Variants in RAB27B observed in about 807,000 individuals in gnomAD.
The protein encoded by RAB27B is ras-related protein Rab-27B.
RAB27B carries 15 observed loss-of-function variants against 24.6 expected under a neutral mutation model. The observed-to-expected ratio is 0.61, with a 90% CI of 0.41 to 0.94. The LOEUF (loss-of-function observed/expected upper bound fraction) is 0.94, where lower values mean the gene tolerates loss of function less well. RAB27B is among the 40% of genes least tolerant of loss of function. The pLI, the probability that RAB27B is intolerant of heterozygous loss-of-function variation, is 0.00. For synonymous variants in RAB27B, 105 were observed against 92.5 expected (o/e 1.14, Z -0.78); for missense variants, 261 against 266.8 (o/e 0.98, Z 0.15).
intron 2 of RAB27B, among the ~76,000 whole-genome samples, chr18:54,770,351 T>C (rs1245393636): frequency 6.6e-6 from 1 of 152,118 alleles, no homozygotes; most frequent in Non-Finnish European, 1.5e-5. Flanking sequence ...GCAGCGGCAT[T>C]AGATTCTCAT....
At chr18:54,788,291 T>G (rs1346507733) in intron 2 of RAB27B, among the ~76,000 whole-genome samples, 1 of 152,102 alleles carries the variant, frequency 6.6e-6, no homozygotes, top group East Asian at 1.9e-4. Context: ...ATTTGTGTTT[T>G]TTGTTGTTGT....
intron 2 of RAB27B, among the ~76,000 whole-genome samples, chr18:54,820,244 A>G (rs1410207355): frequency 6.6e-6 from 1 of 152,156 alleles, no homozygotes; most frequent in Non-Finnish European, 1.5e-5. Flanking sequence ...CAACAGTGTA[A>G]AAGTGTTCCT....
chr18:54,723,558 CT>C (rs1355750904), intron 2 of RAB27B, among the ~76,000 whole-genome samples: 5 of 151,970 alleles, frequency 3.3e-5, no homozygotes, highest in Admixed American at 1.3e-4. Flanking sequence ...GTAATATTGA[CT>C]GTAAATAATA....
At chr18:54,837,705 A>G (rs1910950749) in intron 1 of RAB27B, among the ~76,000 whole-genome samples, 1 of 151,896 alleles carries the variant, frequency 6.6e-6, no homozygotes, top group Non-Finnish European at 1.5e-5. Flanking sequence ...TGCAAGCACT[A>G]CTCTGCTTTG....
At position 54,895,293 on chromosome 18, in the gene RAB27B, A is replaced by C. The variant is rs1033828491; in HGVS notation, c.*5880A>C. ...TTGTCTAGTGCTATGAATGTAACTT[A>C]AAACTATAAACTTGAAGTTTTTATT... On this transcript the variant is annotated 3_prime_UTR_variant, in exon 6 of 6. Transcript: ENST00000262094. The C allele has an allele frequency of 3.3e-5, 5 of 152,052 alleles. No homozygotes were observed. Among genetic ancestry groups the C allele is most frequent in the Non-Finnish European group, 7.4e-5 (5 of 67,982 alleles). 9.4% of individuals were successfully genotyped at this position (152,052 alleles called of 1,614,324 possible).
intron 1 of RAB27B, among the ~76,000 whole-genome samples, chr18:54,835,784 C>G (rs1451084127): frequency 6.6e-6 from 1 of 152,028 alleles, no homozygotes; most frequent in Non-Finnish European, 1.5e-5. Flanking sequence ...TGTAAAGTCA[C>G]TAGGCCATCA....
chr18:54,874,562 T>TA (rs11331217), intron 1 of RAB27B, among the ~76,000 whole-genome samples: 7,259 of 143,230 alleles, frequency 0.051, 600 homozygotes, highest in African/African-American at 0.17. Flanking sequence ...ACACATTTGC[T>TA]AAAAAAAAAA....
At chr18:54,889,184 T>A (rs770471358) in intron 5 of RAB27B, 40 bp from the exon 6 acceptor site, 1 of 1,562,242 alleles carries the variant, frequency 6.4e-7, no homozygotes, top group South Asian at 1.2e-5. Context: ...CTGTTCTGAT[T>A]TCTTCCTCTC....
chr18:54,882,645 A>G (rs1003642030), intron 3 of RAB27B, among the ~76,000 whole-genome samples: 2 of 152,150 alleles, frequency 1.3e-5, no homozygotes, highest in African/African-American at 4.8e-5. Context: ...AGGAAGCACT[A>G]AGACTAAGTA....
chr18:54,835,419 A>G (rs1910855274), intron 1 of RAB27B, among the ~76,000 whole-genome samples: 1 of 151,994 alleles, frequency 6.6e-6, no homozygotes, highest in Non-Finnish European at 1.5e-5. Context: ...TGTAATTCCC[A>G]GTCCCTATAT....
At chr18:54,845,574 C>T (rs1236247382) in intron 1 of RAB27B, among the ~76,000 whole-genome samples, 1 of 151,478 alleles carries the variant, frequency 6.6e-6, no homozygotes, top group Non-Finnish European at 1.5e-5. Flanking sequence ...CTTGTTTTTC[C>T]TAGTCTGTTC....
chr18:54,877,687 C>A lies in RAB27B; in HGVS notation c.102C>A (p.Phe34Leu), dbSNP rs1912760386. 1 of 1,595,808 alleles carries A rather than the reference C, an allele frequency of 6.3e-7. No homozygotes were observed. The highest frequency in any genetic ancestry group is 1.4e-5 in the African/African-American group (1 of 73,626). Residue 34 changes from phenylalanine to leucine, a missense_variant, in exon 2 of 6, where the codon TTC becomes TTA. Phe to Leu is a conservative substitution (Grantham distance 22). Transcript: ENST00000262094. ...TTTATAGATACACAGATAATAAATTCAATCCCAAATTCATCACTACAGTAG... is the reference window on the plus strand; with the variant it reads ...TTTATAGATACACAGATAATAAATTAAATCCCAAATTCATCACTACAGTAG... ...TFLYRYTDNK[F>L]NPKFITTVGI... is the part of the protein sequence containing the mutation.
intron 2 of RAB27B, among the ~76,000 whole-genome samples, chr18:54,804,904 C>CTCTCTT (rs1555658012): frequency 0.051 from 2,454 of 47,800 alleles, 38 homozygotes; most frequent in East Asian, 0.13. Context: ...CTTTCTCTCT[C>CTCTCTT]TCTTTCTTTC....
intron 2 of RAB27B, among the ~76,000 whole-genome samples, chr18:54,768,916 G>T (rs1568058913): frequency 6.6e-6 from 1 of 152,080 alleles, no homozygotes. Flanking sequence ...AGGGATTATG[G>T]GGATTACAAT....
In RAB27B at chr18:54,887,975, C is replaced by T; in HGVS notation, c.344-20C>T. On this transcript the variant is annotated intron_variant, in intron 4 of 5. Coordinates refer to ENST00000262094, the MANE Select transcript of RAB27B (RefSeq NM_004163.4). ...CTTATTTATCAATAACTTGCTGGTTCCATCTGCTTTCTTTTCAAGGCCAAC... is the reference window on the plus strand; with the variant it reads ...CTTATTTATCAATAACTTGCTGGTTTCATCTGCTTTCTTTTCAAGGCCAAC... The T allele has an allele frequency of 6.2e-7, 1 of 1,605,852 alleles. No individual in the cohort carries two copies. Among genetic ancestry groups the T allele is most frequent in the Non-Finnish European group, 8.5e-7 (1 of 1,175,330 alleles).
intron 1 of RAB27B, among the ~76,000 whole-genome samples, chr18:54,832,498 C>A (rs1328737505): frequency 1.3e-5 from 2 of 152,152 alleles, no homozygotes; most frequent in Admixed American, 1.3e-4. Context: ...GAATCTGGGG[C>A]ACCTAGAGGA....
intron 2 of RAB27B, among the ~76,000 whole-genome samples, chr18:54,785,053 A>G (rs926926797): frequency 3.3e-5 from 5 of 151,556 alleles, no homozygotes; most frequent in African/African-American, 1.2e-4. Context: ...CCTATCAGCC[A>G]GTCACATTCC....
chr18:54,726,545 A>G (rs1909543365), intron 2 of RAB27B, among the ~76,000 whole-genome samples: 1 of 151,564 alleles, frequency 6.6e-6, no homozygotes, highest in Admixed American at 6.6e-5. Flanking sequence ...TTGTTTCACA[A>G]AAAAAGCCCT....
At chr18:54,761,556 C>G (rs992743158) in intron 2 of RAB27B, among the ~76,000 whole-genome samples, 8 of 152,178 alleles carry the variant, frequency 5.3e-5, no homozygotes, top group African/African-American at 1.9e-4. Flanking sequence ...AAACCTTCAT[C>G]TCAGTTTATC....
Sources: allele counts gnomAD v4.1 joint callset (sites outside exome capture counted in the v4.1 genomes callset), GRCh38; gene constraint gnomAD v4.1.1; transcripts MANE v1.5; gene names NCBI Gene and HGNC (gene_info 2026-07-23, HGNC 2026-07-21).